Variants in CPQ observed in about 807,000 individuals in gnomAD.
The protein encoded by CPQ is Ser-Met dipeptidase.
In CPQ, 37 loss-of-function variants were observed where a neutral mutation model predicts 45.7. The observed-to-expected ratio is 0.81, with a 90% CI of 0.62 to 1.07. CPQ has a LOEUF of 1.07. Ranked by LOEUF, CPQ falls within the 50% of genes least tolerant of loss-of-function variation. The probability of loss-of-function intolerance (pLI) is 0.00; values close to 1 mark genes in which losing one functional copy is unlikely to be tolerated. For synonymous variants in CPQ, 186 were observed against 205.8 expected (o/e 0.90, Z 0.82); for missense variants, 537 against 572.9 (o/e 0.94, Z 0.64).
chr8:96,856,723 A>G (rs537031343), intron 3 of CPQ, among the ~76,000 whole-genome samples: 2 of 152,342 alleles, frequency 1.3e-5, no homozygotes, highest in Admixed American at 1.3e-4. Context: ...CAGAGGAGAT[A>G]GACAATAAAC....
intron 6 of CPQ, among the ~76,000 whole-genome samples, chr8:97,062,567 C>T (rs1305427302): frequency 6.6e-6 from 1 of 152,138 alleles, no homozygotes; most frequent in Non-Finnish European, 1.5e-5. Flanking sequence ...ATTATTTTCT[C>T]TCCCAGGTGT....
intron 5 of CPQ, among the ~76,000 whole-genome samples, chr8:97,019,196 A>T (rs1004234251): frequency 6.6e-6 from 1 of 152,210 alleles, no homozygotes; most frequent in African/African-American, 2.4e-5. Flanking sequence ...ATTTGCCACT[A>T]CCAAGCCACC....
At chr8:96,745,120 CA>C (rs1007929314) in intron 1 of CPQ, among the ~76,000 whole-genome samples, 2 of 152,066 alleles carry the variant, frequency 1.3e-5, no homozygotes, top group African/African-American at 4.8e-5. Context: ...CTAGCCTGAC[CA>C]ACATGGTGAA....
chr8:96,861,609 G>A (rs978683872), intron 3 of CPQ, among the ~76,000 whole-genome samples: 5 of 152,052 alleles, frequency 3.3e-5, no homozygotes, highest in South Asian at 4.1e-4. Flanking sequence ...ATAGTCAACC[G>A]TCTGTGGAGA....
At chr8:96,830,117 G>C (rs1811434469) in intron 2 of CPQ, among the ~76,000 whole-genome samples, 1 of 152,126 alleles carries the variant, frequency 6.6e-6, no homozygotes, top group African/African-American at 2.4e-5. Context: ...CACATTAGAA[G>C]ATTATGTGAT....
At chr8:97,055,788 C>T (rs1293143934) in intron 6 of CPQ, 1 of 152,176 alleles carries the variant, frequency 6.6e-6, no homozygotes, top group African/African-American at 2.4e-5. Flanking sequence ...AGACTTACAA[C>T]CTCCAGAACT....
chr8:96,687,736 G>T (rs921366671), intron 1 of CPQ, among the ~76,000 whole-genome samples: 2 of 151,852 alleles, frequency 1.3e-5, no homozygotes, highest in African/African-American at 4.8e-5. Flanking sequence ...TTTTATATTT[G>T]ATGCAAAACT....
At chr8:96,921,117 A>G (rs1812800370) in intron 4 of CPQ, among the ~76,000 whole-genome samples, 1 of 152,040 alleles carries the variant, frequency 6.6e-6, no homozygotes. Flanking sequence ...AGGCTCTGAG[A>G]GTCTACACAA....
rs115789926 is a variant in CPQ at position 97,029,309 on chromosome 8, C to T, written c.962-94C>T. ...GAGAGTTGAATGCCTCTGATTTCCT[C>T]CTTCCTCCACAAGGCAGATGAGGGA... On this transcript the variant is annotated intron_variant, in intron 5 of 7. Transcript: ENST00000220763. The T allele has an allele frequency of 4.4e-5, 54 of 1,223,642 alleles. No individual in the cohort carries two copies. In the African/African-American group the frequency reaches 7.6e-4, roughly 17 times the overall value. 75.8% of individuals were successfully genotyped at this position (1,223,642 alleles called of 1,614,324 possible).
chr8:96,747,446 G>T (rs944859907), intron 1 of CPQ, among the ~76,000 whole-genome samples: 1 of 152,048 alleles, frequency 6.6e-6, no homozygotes, highest in African/African-American at 2.4e-5. Context: ...GCTGTAACCT[G>T]AGCACGTGAG....
At chr8:96,754,772 G>T (rs1331783393) in intron 1 of CPQ, among the ~76,000 whole-genome samples, 1 of 152,004 alleles carries the variant, frequency 6.6e-6, no homozygotes, top group African/African-American at 2.4e-5. Flanking sequence ...ACAATGAAAT[G>T]AAATGATCTG....
chr8:96,956,879 G>A (rs777605791), intron 4 of CPQ, among the ~76,000 whole-genome samples: 5 of 152,216 alleles, frequency 3.3e-5, no homozygotes, highest in Non-Finnish European at 5.9e-5. Context: ...ATGTGAGGTG[G>A]AGTATGATAA....
chr8:96,738,605 C>T (rs527906974), intron 1 of CPQ, among the ~76,000 whole-genome samples: 21 of 152,202 alleles, frequency 1.4e-4, no homozygotes, highest in Admixed American at 7.8e-4. Flanking sequence ...TGCTATCCCT[C>T]CCCACTCCCC....
At chr8:96,929,208 C>T (rs1361157428) in intron 4 of CPQ, among the ~76,000 whole-genome samples, 1 of 152,074 alleles carries the variant, frequency 6.6e-6, no homozygotes, top group African/African-American at 2.4e-5. Flanking sequence ...CTAAAACTGC[C>T]TACAAAGACC....
At chr8:97,046,134 G>A (rs1810251738) in intron 6 of CPQ, among the ~76,000 whole-genome samples, 1 of 152,180 alleles carries the variant, frequency 6.6e-6, no homozygotes, top group Admixed American at 6.5e-5. Flanking sequence ...TGCCCTGAGA[G>A]GCTGGTCTCG....
chr8:96,905,862 G>A (rs2130900470), intron 4 of CPQ, among the ~76,000 whole-genome samples: 1 of 152,072 alleles, frequency 6.6e-6, no homozygotes, highest in Admixed American at 6.6e-5. Flanking sequence ...ATAAGTTTGG[G>A]TACTTGGGCA....
At position 97,086,878 on chromosome 8, in the gene CPQ, G is replaced by T. The variant is rs552678795; in HGVS notation, c.1255+20668G>T. ...AATCCTTCAGATTGGCTTTTGAAGT[G>T]CACTCTATCTCTGCCATGGGAAGAG... On this transcript the variant is annotated intron_variant, in intron 7 of 7. Transcript: ENST00000220763. Among the ~76,000 whole-genome samples the T allele has an allele frequency of 3.9e-5, 6 of 152,194 alleles. No individual in the cohort carries two copies. The South Asian group carries it at 1.2e-3, about 32-fold the overall frequency.
intron 5 of CPQ, among the ~76,000 whole-genome samples, chr8:96,966,311 G>C (rs1189811646): frequency 6.6e-6 from 1 of 152,154 alleles, no homozygotes; most frequent in African/African-American, 2.4e-5. Flanking sequence ...AACCACACCA[G>C]CTAAAGAATA....
chr8:96,944,686 C>T (rs1813166755), intron 4 of CPQ, among the ~76,000 whole-genome samples: 1 of 152,100 alleles, frequency 6.6e-6, no homozygotes, highest in Non-Finnish European at 1.5e-5. Flanking sequence ...ATTTCCAGTG[C>T]ACATGTGGAT....
Sources: allele counts gnomAD v4.1 joint callset (sites outside exome capture counted in the v4.1 genomes callset), GRCh38; gene constraint gnomAD v4.1.1; transcripts MANE v1.5; gene names NCBI Gene and HGNC (gene_info 2026-07-23, HGNC 2026-07-21).